Variants in ABCC12 observed in about 807,000 individuals in gnomAD.
The protein encoded by ABCC12 is ATP binding cassette subfamily C member 12.
ABCC12 carries 142 observed loss-of-function variants against 151.1 expected under a neutral mutation model. The ratio of observed to expected loss-of-function variants is 0.94; its 90% CI spans 0.82 to 1.08. The LOEUF (loss-of-function observed/expected upper bound fraction) is 1.08, where lower values mean the gene tolerates loss of function less well. Ranked by LOEUF, ABCC12 falls within the 50% of genes least tolerant of loss-of-function variation. ABCC12 has a pLI of 0.00. For missense variants in ABCC12, 1,638 were observed against 1,691.1 expected, an observed-to-expected ratio of 0.97 and a Z score of 0.55; for synonymous variants, 645 against 646.4, an observed-to-expected ratio of 1.00 and a Z score of 0.03.
Position 48,128,690 on chromosome 16 carries a change from T to C in ABCC12, c.1284A>G (p.Glu428=). The C allele has an allele frequency of 6.2e-7, 1 of 1,614,196 alleles. No individual in the cohort carries two copies. Among genetic ancestry groups the C allele is most frequent in the Non-Finnish European group, 8.5e-7 (1 of 1,180,034 alleles). Residue 428 remains glutamate, a synonymous_variant, in exon 11 of 31, where the codon GAA becomes GAG. Coordinates refer to ENST00000311303, the MANE Select transcript of ABCC12 (RefSeq NM_001393797.1). ...CTAAAAGCAAGACAGTATCTGGGTC[T>C]TCTGGTTGGGTGATGTAAGATGGGG... is the stretch of plus-strand genomic sequence containing the variant. ...KSPPSYITQP[E]DPDTVLLLAN... is the part of the protein sequence containing the mutation.
intron 19 of ABCC12, among the ~76,000 whole-genome samples, chr16:48,107,740 G>A (rs1264051917): frequency 2.0e-5 from 3 of 152,224 alleles, no homozygotes; most frequent in African/African-American, 7.2e-5. Context: ...GGTGGTTCAC[G>A]CCTGTAATCC....
intron 18 of ABCC12, among the ~76,000 whole-genome samples, chr16:48,111,195 T>C (rs919299591): frequency 6.6e-6 from 1 of 152,236 alleles, no homozygotes; most frequent in African/African-American, 2.4e-5. Flanking sequence ...TTCCTCATTT[T>C]ATAGATTAGG....
intron 24 of ABCC12, among the ~76,000 whole-genome samples, chr16:48,092,223 CACAA>C (rs942999537): frequency 6.6e-6 from 1 of 152,242 alleles, no homozygotes; most frequent in Non-Finnish European, 1.5e-5. Flanking sequence ...CAGCAGCCTT[CACAA>C]ACAAACATAG....
chr16:48,084,191 A>C, intron 29 of ABCC12, 118 bp from the exon 30 acceptor site: 2 of 1,059,184 alleles, frequency 1.9e-6, no homozygotes, highest in Non-Finnish European at 2.7e-6. Flanking sequence ...GATGAAAAGT[A>C]ATTAGCTAAA....
chr16:48,101,243 G>A (rs894209411), intron 22 of ABCC12, among the ~76,000 whole-genome samples: 1 of 152,188 alleles, frequency 6.6e-6, no homozygotes, highest in African/African-American at 2.4e-5. Flanking sequence ...CCACGGTGCT[G>A]TGTTTCTCAT....
At chr16:48,125,850 TG>T (rs1964221360) in intron 11 of ABCC12, among the ~76,000 whole-genome samples, 1 of 152,088 alleles carries the variant, frequency 6.6e-6, no homozygotes, top group Non-Finnish European at 1.5e-5. Flanking sequence ...CCAGGCACCT[TG>T]GGATAAAATA....
intron 2 of ABCC12, among the ~76,000 whole-genome samples, chr16:48,153,323 T>C (rs1965140690): frequency 6.6e-6 from 1 of 152,236 alleles, no homozygotes; most frequent in Non-Finnish European, 1.5e-5. Context: ...TTCTGTAAGT[T>C]TGAAATCATT....
chr16:48,084,007 T>A lies in ABCC12; in HGVS notation c.3895A>T (p.Ile1299Phe). 6.2e-7 allele frequency: 1 copy of A among 1,612,910 alleles called. No individual in the cohort carries two copies. The highest frequency in any genetic ancestry group is 1.1e-5 in the South Asian group (1 of 90,634). ...GTGCAGCCCTTGAAGGCATCTTTGA[T>A]GGTGTTCTGAACCAGGGTGTCAGTC... ...SKTDTLVQNT[I>F]KDAFKGCTVL... Residue 1299 changes from isoleucine (I) to phenylalanine (F), a missense_variant, in exon 30 of 31, where the codon ATC (isoleucine) becomes TTC (phenylalanine). Coordinates refer to ENST00000311303, the MANE Select transcript of ABCC12 (RefSeq NM_001393797.1).
chr16:48,087,099 A>C (rs1413231837), intron 27 of ABCC12: 1 of 362,982 alleles, frequency 2.8e-6, no homozygotes, highest in East Asian at 5.0e-5. Flanking sequence ...GTGCTCAGAA[A>C]GACACACCTG....
intron 4 of ABCC12, 115 bp from the exon 5 acceptor site, chr16:48,141,468 T>C (rs1296945478): frequency 1.4e-6 from 2 of 1,387,054 alleles, no homozygotes; most frequent in Non-Finnish European, 2.0e-6. Flanking sequence ...TCCCTGGCAG[T>C]GGTGCCTTCC....
rs571432093 is a variant in ABCC12, at chr16:48,152,023, C to G, written c.-51+1593G>C. Among the ~76,000 whole-genome samples, 11 of 152,306 alleles carry G rather than the reference C, an allele frequency of 7.2e-5. No individual in the cohort carries two copies. In the South Asian group the frequency reaches 1.9e-3, roughly 26 times the overall value. On this transcript the variant is annotated intron_variant, in intron 2 of 30. Transcript: ENST00000311303. Reference sequence around the variant, plus strand: ...TGTGGTGTGCCCGTGTCATGGGGCTCTATGCACCAGACTTAGGTAAGAGTC... The same window carrying G: ...TGTGGTGTGCCCGTGTCATGGGGCTGTATGCACCAGACTTAGGTAAGAGTC...
chr16:48,086,907 G>A, intron 27 of ABCC12, 88 bp from the exon 28 acceptor site: 1 of 1,095,358 alleles, frequency 9.1e-7, no homozygotes, highest in Non-Finnish European at 1.4e-6. Context: ...GCATGTGGAG[G>A]AGGGTAGGAG....
rs764222617 is a variant in ABCC12, at chr16:48,096,836, G to A, written c.3105C>T (p.Ile1035=). The A allele has an allele frequency of 2.5e-6, 4 of 1,614,168 alleles. No homozygotes were observed. The highest frequency in any genetic ancestry group is 3.4e-6 in the Non-Finnish European group (4 of 1,180,024). Residue 1035 remains isoleucine (I), a synonymous_variant, in exon 24 of 31, where the codon ATC becomes ATT. Coordinates refer to ENST00000311303, the MANE Select transcript of ABCC12 (RefSeq NM_001393797.1). The stretch of plus-strand genomic sequence containing the variant: ...CCAACAAGGCCACAGTGAAGGTAAG[G>A]ATGTTCATGAGGACATCCATTCTCA... ...FALRMDVLMN[I]LTFTVALLVT...
rs1476231718 is a variant in ABCC12 at position 48,143,893 on chromosome 16, C to A, written c.275+17G>T. Reference sequence around the variant, plus strand: ...ATGAAAATGGACTAATACAGTGACCCAAGCAAATCCTGGTACCTTTTGGCA... The same window carrying A: ...ATGAAAATGGACTAATACAGTGACCAAAGCAAATCCTGGTACCTTTTGGCA... On this transcript the variant is annotated intron_variant, in intron 4 of 30. Coordinates refer to ENST00000311303, the MANE Select transcript of ABCC12 (RefSeq NM_001393797.1). The A allele has an allele frequency of 6.2e-7, 1 of 1,609,552 alleles. No homozygotes were observed. The highest frequency in any genetic ancestry group is 1.3e-5 in the African/African-American group (1 of 74,920).
At chr16:48,098,347 G>A (rs997525800) in intron 23 of ABCC12, among the ~76,000 whole-genome samples, 3 of 152,082 alleles carry the variant, frequency 2.0e-5, no homozygotes, top group Non-Finnish European at 4.4e-5. Context: ...ACCCTTCCAC[G>A]CTTAAAGCCC....
At chr16:48,123,269 T>C (rs1964131837) in intron 12 of ABCC12, among the ~76,000 whole-genome samples, 1 of 152,190 alleles carries the variant, frequency 6.6e-6, no homozygotes, top group African/African-American at 2.4e-5. Flanking sequence ...CACATCATTA[T>C]GTGGGGAATT....
chr16:48,140,608 A>T, intron 6 of ABCC12, 79 bp downstream of exon 6: 1 of 1,364,256 alleles, frequency 7.3e-7, no homozygotes, highest in Non-Finnish European at 1.0e-6. Flanking sequence ...CAGGTGCTCC[A>T]CTCAGGATCC....
In ABCC12 at chr16:48,080,962, G is replaced by A. The variant is rs1239588270; in HGVS notation, c.*2753C>T. ...TGGTCGAGGTGCCAACAGATTTGGT[G>A]TTGAGTGAGGGCCCATTCCTCACAG... On this transcript the variant is annotated 3_prime_UTR_variant, in exon 31 of 31. Coordinates refer to ENST00000311303, the MANE Select transcript of ABCC12 (RefSeq NM_001393797.1). Among the ~76,000 whole-genome samples, 2 of 152,192 alleles carry A rather than the reference G, an allele frequency of 1.3e-5. No homozygotes were observed. The highest frequency in any genetic ancestry group is 2.9e-5 in the Non-Finnish European group (2 of 68,046).
intron 11 of ABCC12, among the ~76,000 whole-genome samples, chr16:48,127,611 C>G (rs1024822973): frequency 6.6e-6 from 1 of 152,216 alleles, no homozygotes; most frequent in Admixed American, 6.5e-5. Context: ...AGCTATTTAA[C>G]CCTCTTGTGC....
Sources: allele counts gnomAD v4.1 joint callset (sites outside exome capture counted in the v4.1 genomes callset), GRCh38; gene constraint gnomAD v4.1.1; transcripts MANE v1.5; gene names NCBI Gene and HGNC (gene_info 2026-07-23, HGNC 2026-07-21).